Variants in XKR4 observed in about 807,000 individuals in gnomAD.
The protein encoded by XKR4 is XK related 4.
In XKR4, 12 loss-of-function variants were observed where a neutral mutation model predicts 53.9. The ratio of observed to expected loss-of-function variants is 0.22; its 90% CI spans 0.14 to 0.36. XKR4 has a LOEUF of 0.36. Ranked by LOEUF, XKR4 falls within the 10% of genes least tolerant of loss-of-function variation. XKR4 has a pLI of 1.00. For synonymous variants in XKR4, 354 were observed against 362.4 expected, an observed-to-expected ratio of 0.98 and a Z score of 0.26; for missense variants, 799 against 859.5, an observed-to-expected ratio of 0.93 and a Z score of 0.88.
At chr8:55,443,021 A>G (rs528719383) in intron 2 of XKR4, among the ~76,000 whole-genome samples, 65 of 152,314 alleles carry the variant, frequency 4.3e-4, no homozygotes, top group Middle Eastern at 3.4e-3. Context: ...ACTACATTCA[A>G]ATCTTTCTAA....
chr8:55,139,731 C>T (rs1816678705), intron 1 of XKR4, among the ~76,000 whole-genome samples: 1 of 151,826 alleles, frequency 6.6e-6, no homozygotes, highest in African/African-American at 2.4e-5. Flanking sequence ...CTGAAACATC[C>T]AATTCCTCAT....
intron 1 of XKR4, among the ~76,000 whole-genome samples, chr8:55,331,481 T>G (rs1313036642): frequency 6.6e-6 from 1 of 152,162 alleles, no homozygotes; most frequent in Non-Finnish European, 1.5e-5. Flanking sequence ...GCATATATTG[T>G]TCAAATCTTC....
chr8:55,377,217 A>G (rs1804164413), intron 2 of XKR4, among the ~76,000 whole-genome samples: 1 of 152,170 alleles, frequency 6.6e-6, no homozygotes, highest in Non-Finnish European at 1.5e-5. Flanking sequence ...ACCACTTAGT[A>G]ACTTTCACCT....
intron 2 of XKR4, among the ~76,000 whole-genome samples, chr8:55,432,742 C>A (rs1283797173): frequency 2.0e-5 from 3 of 152,008 alleles, no homozygotes; most frequent in African/African-American, 7.2e-5. Flanking sequence ...CCTTCCTGAA[C>A]CTTATTTTCA....
intron 2 of XKR4, among the ~76,000 whole-genome samples, chr8:55,424,734 C>A (rs1291609735): frequency 6.6e-6 from 1 of 152,186 alleles, no homozygotes; most frequent in Admixed American, 6.5e-5. Flanking sequence ...TTGAACCTGG[C>A]ACGTGTTAGG....
At chr8:55,469,990 A>C (rs1805848393) in intron 2 of XKR4, among the ~76,000 whole-genome samples, 1 of 152,100 alleles carries the variant, frequency 6.6e-6, no homozygotes, top group Non-Finnish European at 1.5e-5. Context: ...ACACATGGAC[A>C]AATAAGTGCA....
intron 1 of XKR4, among the ~76,000 whole-genome samples, chr8:55,220,315 T>C (rs1226454767): frequency 1.3e-5 from 2 of 152,228 alleles, no homozygotes; most frequent in Non-Finnish European, 2.9e-5. Flanking sequence ...GTGTAACGAA[T>C]GTAAATGCTC....
chr8:55,179,215 T>G (rs1428069866), intron 1 of XKR4, among the ~76,000 whole-genome samples: 2 of 152,206 alleles, frequency 1.3e-5, no homozygotes, highest in Admixed American at 6.5e-5. Flanking sequence ...CCTTAGAAAC[T>G]TTAAAATAAA....
intron 1 of XKR4, among the ~76,000 whole-genome samples, chr8:55,103,866 T>TG (rs1369081447): frequency 1.6e-5 from 2 of 127,480 alleles, no homozygotes; most frequent in East Asian, 4.2e-4. Context: ...TATATATATA[T>TG]ATATATATAT....
intron 2 of XKR4, among the ~76,000 whole-genome samples, chr8:55,449,232 T>C (rs1805387964): frequency 6.6e-6 from 1 of 152,204 alleles, no homozygotes; most frequent in African/African-American, 2.4e-5. Context: ...CTAGAAACAA[T>C]TCGCCTGCAG....
intron 2 of XKR4, among the ~76,000 whole-genome samples, chr8:55,422,603 T>C (rs1804950961): frequency 1.3e-5 from 2 of 152,282 alleles, no homozygotes; most frequent in African/African-American, 4.8e-5. Flanking sequence ...AACACAGCAG[T>C]GCAAGAGCAG....
At chr8:55,247,327 C>G (rs1436146190) in intron 1 of XKR4, among the ~76,000 whole-genome samples, 2 of 152,084 alleles carry the variant, frequency 1.3e-5, no homozygotes, top group South Asian at 4.1e-4. Context: ...AATTGCCTGA[C>G]CTCAGCTTTG....
In XKR4 at chr8:55,524,239, T is replaced by A; in HGVS notation, c.*12T>A. 6.2e-7 allele frequency: 1 copy of A among 1,603,118 alleles called. No individual in the cohort carries two copies. The highest frequency in any genetic ancestry group is 8.5e-7 in the Non-Finnish European group (1 of 1,173,724). On this transcript the variant is annotated 3_prime_UTR_variant, in exon 3 of 3. Transcript: ENST00000327381. ...AAACCACTTTATAAAGCAAAAGGAG[T>A]TGCAGGACCCACAACATCCAGATGA...
intron 2 of XKR4, among the ~76,000 whole-genome samples, chr8:55,480,949 A>G (rs546869249): frequency 1.3e-5 from 2 of 152,228 alleles, no homozygotes; most frequent in Non-Finnish European, 2.9e-5. Flanking sequence ...GGAAGAATCC[A>G]TATCATGAAA....
At chr8:55,120,200 A>G (rs965803033) in intron 1 of XKR4, among the ~76,000 whole-genome samples, 1 of 152,142 alleles carries the variant, frequency 6.6e-6, no homozygotes, top group African/African-American at 2.4e-5. Context: ...AAGGTAACTG[A>G]CTTTGCCATT....
At chr8:55,467,630 T>C (rs949610309) in intron 2 of XKR4, among the ~76,000 whole-genome samples, 5 of 152,152 alleles carry the variant, frequency 3.3e-5, no homozygotes, top group African/African-American at 4.8e-5. Context: ...AGTGCTAATT[T>C]CCCCAACACT....
chr8:55,492,077 T>C (rs1255465649), intron 2 of XKR4, among the ~76,000 whole-genome samples: 1 of 152,204 alleles, frequency 6.6e-6, no homozygotes, highest in East Asian at 1.9e-4. Flanking sequence ...TGAATTCCCC[T>C]TCCCTGTGCC....
chr8:55,246,239 G>A (rs757676787), intron 1 of XKR4, among the ~76,000 whole-genome samples: 16 of 152,174 alleles, frequency 1.1e-4, no homozygotes, highest in Non-Finnish European at 2.2e-4. Context: ...TCTGAAAGAG[G>A]ACTTAGAGCA....
Position 55,142,057 on chromosome 8 carries a change from A to T in XKR4, c.806+38763A>T, listed in dbSNP as rs1816712359. 1.8e-5 allele frequency: 8 copies of T among 455,606 alleles called. No homozygotes were observed. The Admixed American group carries it at 1.9e-4, about 11-fold the overall frequency. The allele number at this position is 455,606 out of a possible 1,614,324, so 28.2% of individuals were successfully genotyped here. A position where few individuals can be genotyped will look rare whatever the true frequency, so the allele number is the denominator to read the frequency against. On this transcript the variant is annotated intron_variant, in intron 1 of 2. Coordinates refer to ENST00000327381, the MANE Select transcript of XKR4 (RefSeq NM_052898.2). The stretch of plus-strand genomic sequence containing the variant: ...AACTCAGAGCCCTGCCACCCCCAAC[A>T]GCCTTGCAGCCTCCCTGGTGACTTT...
Sources: gnomAD v4.1 joint callset for allele counts (sites outside exome capture counted in the v4.1 genomes callset) on GRCh38, gnomAD v4.1.1 for gene constraint, MANE v1.5 for transcripts, NCBI Gene and HGNC (gene_info 2026-07-23, HGNC 2026-07-21) for gene names.